The following PCSK5 variants were observed in gnomAD, a reference collection of about 807,000 sequenced individuals.
PCSK5 encodes proprotein convertase subtilisin/kexin type 5, also known as prohormone convertase 5.
Under a neutral mutation model 233.2 loss-of-function variants are expected in PCSK5, and 129 were observed. The ratio of observed to expected loss-of-function variants is 0.55; its 90% confidence interval spans 0.48 to 0.64. The LOEUF is 0.64. Ranked by LOEUF, PCSK5 falls within the 30% of genes least tolerant of loss-of-function variation. The pLI is 0.00. For missense variants in PCSK5, 2,076 were observed against 2,430.1 expected, an observed-to-expected ratio of 0.85 and a Z score of 3.06; for synonymous variants, 825 against 879.2, an observed-to-expected ratio of 0.94 and a Z score of 1.09.
At chr9:75,977,287 G>A (rs900731727) in intron 2 of PCSK5, among the ~76,000 whole-genome samples, 2 of 151,900 alleles carry the variant, frequency 1.3e-5, no homozygotes, top group Admixed American at 1.3e-4. Context: ...GTAGGTAAAC[G>A]TGTGCCATCC....
chr9:75,980,762 TC>T lies in PCSK5; in HGVS notation c.298-5369del, dbSNP rs1563952643. Among the ~76,000 whole-genome samples the T allele has an allele frequency of 3.1e-4, 45 of 147,094 alleles. No homozygotes were observed. In the East Asian group the frequency reaches 7.4e-3, roughly 24 times the overall value. ...AAATTCTCTGATTTTTTTTTTTTTCTCACCAGTTAGCTTTGATGTTTTGATC... is the reference window on the plus strand; with the variant it reads ...AAATTCTCTGATTTTTTTTTTTTTCTACCAGTTAGCTTTGATGTTTTGATC... On this transcript the variant is annotated intron_variant, in intron 2 of 37. Coordinates refer to ENST00000674117, the MANE Select transcript of PCSK5 (RefSeq NM_001372043.1).
rs563449928 is a variant in PCSK5, at chr9:76,263,007, A to G, written c.3142+22323A>G. Among the ~76,000 whole-genome samples, 381 of 152,184 alleles carry G rather than the reference A, an allele frequency of 2.5e-3. 3 individuals carry two copies. Among genetic ancestry groups the G allele is most frequent in the African/African-American group, 8.4e-3 (348 of 41,482 alleles). On this transcript the variant is annotated intron_variant, in intron 24 of 37. Transcript: ENST00000674117. The stretch of plus-strand genomic sequence containing the variant: ...CTTCTCAAAAGAAGACATTTATGCC[A>G]CCAAAAAACACATGAAAAAATGCTC...
At chr9:76,317,528 C>G (rs1027385) in intron 30 of PCSK5, among the ~76,000 whole-genome samples, 77,213 of 152,112 alleles carry the variant, frequency 0.51, 21,127 homozygotes, top group African/African-American at 0.7. Flanking sequence ...AAAAATGCTG[C>G]GTAGCAGCGG....
At chr9:76,100,366 A>T (rs1485652591) in intron 8 of PCSK5, among the ~76,000 whole-genome samples, 1 of 152,232 alleles carries the variant, frequency 6.6e-6, no homozygotes, top group Non-Finnish European at 1.5e-5. Flanking sequence ...AAAATATCAC[A>T]TTTTTTGTCC....
intron 34 of PCSK5, among the ~76,000 whole-genome samples, chr9:76,334,849 G>A (rs1414670035): frequency 2.0e-5 from 3 of 152,140 alleles, no homozygotes; most frequent in Non-Finnish European, 4.4e-5. Context: ...AGGCTGAGGC[G>A]GGCAGATCAC....
intron 21 of PCSK5, among the ~76,000 whole-genome samples, 153 bp from the exon 22 acceptor site, chr9:76,233,307 C>T (rs1250475089): frequency 6.6e-6 from 1 of 152,214 alleles, no homozygotes. Flanking sequence ...TAATATTTCA[C>T]ATGTTCTAAG....
chr9:75,947,833 A>G (rs1824645235), intron 2 of PCSK5, among the ~76,000 whole-genome samples: 1 of 152,078 alleles, frequency 6.6e-6, no homozygotes, highest in Non-Finnish European at 1.5e-5. Flanking sequence ...AACCATTCAC[A>G]CATTTGCTTT....
Position 76,328,127 on chromosome 9 carries a change from G to A in PCSK5, c.4458G>A (p.Glu1486=), listed in dbSNP as rs778272933. Residue 1486 remains glutamate, a synonymous_variant, in exon 33 of 38, where the codon GAG becomes GAA. Coordinates refer to ENST00000674117, the MANE Select transcript of PCSK5 (RefSeq NM_001372043.1). ...CCAACGAGAAGTGCTCACCCTCCGA[G>A]TACTGGGATGAGGATGCTCCCGGGT... The part of the protein sequence containing the change: ...CMANEKCSPS[E]YWDEDAPGCK... The A allele has an allele frequency of 1.8e-5, 29 of 1,612,730 alleles. No individual in the cohort carries two copies. Among genetic ancestry groups the A allele is most frequent in the Non-Finnish European group, 2.3e-5 (27 of 1,179,846 alleles).
At chr9:76,052,357 T>C (rs1829661012) in intron 5 of PCSK5, among the ~76,000 whole-genome samples, 1 of 152,154 alleles carries the variant, frequency 6.6e-6, no homozygotes, top group African/African-American at 2.4e-5. Flanking sequence ...AAAGGAGGTT[T>C]AATGGACTCA....
chr9:76,221,102 C>T (rs7853238), intron 20 of PCSK5, among the ~76,000 whole-genome samples: 1,990 of 152,264 alleles, frequency 0.013, 43 homozygotes, highest in African/African-American at 0.046. Flanking sequence ...ACGGGCAAAA[C>T]AAACTGCTTG....
At chr9:76,317,657 G>A (rs749266041) in intron 30 of PCSK5, among the ~76,000 whole-genome samples, 2 of 152,210 alleles carry the variant, frequency 1.3e-5, no homozygotes, top group Non-Finnish European at 2.9e-5. Context: ...CTCCACTAGA[G>A]GTGAAATGGA....
At chr9:75,965,882 A>T (rs966696458) in intron 2 of PCSK5, among the ~76,000 whole-genome samples, 1 of 152,112 alleles carries the variant, frequency 6.6e-6, no homozygotes, top group African/African-American at 2.4e-5. Flanking sequence ...AATATCCTAA[A>T]CTCTGCAACC....
At chr9:76,046,934 G>C (rs190477892) in intron 5 of PCSK5, among the ~76,000 whole-genome samples, 2 of 152,188 alleles carry the variant, frequency 1.3e-5, no homozygotes, top group Admixed American at 1.3e-4. Flanking sequence ...AGGAGTTTCT[G>C]TATGTCCCAA....
rs1052394105 is a variant in PCSK5 at position 76,362,905 on chromosome 9, C to G, written c.*3983C>G. Reference sequence around the variant, plus strand: ...CCTTAAAAGGGACAGGAATTGCTCACTCGGGGAGCTCGGCTCTTGAGACAG... The same window carrying G: ...CCTTAAAAGGGACAGGAATTGCTCAGTCGGGGAGCTCGGCTCTTGAGACAG... On this transcript the variant is annotated 3_prime_UTR_variant, in exon 38 of 38. Coordinates refer to ENST00000674117, the MANE Select transcript of PCSK5 (RefSeq NM_001372043.1). Among the ~76,000 whole-genome samples, 1 of 152,196 alleles carries G rather than the reference C, an allele frequency of 6.6e-6. No individual in the cohort carries two copies. The highest frequency in any genetic ancestry group is 6.5e-5 in the Admixed American group (1 of 15,282).
At chr9:76,034,522 T>G (rs186905757) in intron 5 of PCSK5, among the ~76,000 whole-genome samples, 2,078 of 152,188 alleles carry the variant, frequency 0.014, 15 homozygotes, top group Non-Finnish European at 0.021. Flanking sequence ...TTCCTCCTCC[T>G]CCATTCGTCA....
intron 21 of PCSK5, among the ~76,000 whole-genome samples, chr9:76,232,439 C>G (rs146351151): frequency 3.3e-5 from 5 of 152,252 alleles, no homozygotes; most frequent in African/African-American, 9.6e-5. Context: ...AATCATTTAG[C>G]GAATTCCACA....
chr9:75,994,396 CTTTCTTTTTTTTTTTT>C (rs1826909666), intron 3 of PCSK5, among the ~76,000 whole-genome samples: 18 of 68,318 alleles, frequency 2.6e-4, no homozygotes, highest in African/African-American at 3.2e-4. Flanking sequence ...TTCTTTCTTT[CTTTCTTTTTTTTTTTT>C]TTTTTTTTTT....
chr9:76,145,774 T>A (rs1294459904), intron 10 of PCSK5, among the ~76,000 whole-genome samples: 1 of 152,212 alleles, frequency 6.6e-6, no homozygotes, highest in Non-Finnish European at 1.5e-5. Context: ...TATGATTACA[T>A]CTTTTCCAAA....
At position 76,184,773 on chromosome 9, in the gene PCSK5, AT is replaced by A; in HGVS notation, c.2282+20del. 1 of 1,492,244 alleles carries A rather than the reference AT, an allele frequency of 6.7e-7. No individual in the cohort carries two copies. Among genetic ancestry groups the A allele is most frequent in the Non-Finnish European group, 9.3e-7 (1 of 1,073,964 alleles). The allele number at this position is 1,492,244 out of a possible 1,614,324, so 92.4% of individuals were successfully genotyped here. A position where few individuals can be genotyped will look rare whatever the true frequency, so the allele number is the denominator to read the frequency against. ...ATGGGTTAAGGTAAGAGAGTGAAGG[AT>A]TTTATCAAGTAACACAGCCCAAAGA... On this transcript the variant is annotated intron_variant, in intron 17 of 37. Coordinates refer to ENST00000674117, the MANE Select transcript of PCSK5 (RefSeq NM_001372043.1).
Sources: allele counts gnomAD v4.1 joint callset (sites outside exome capture counted in the v4.1 genomes callset), GRCh38; gene constraint gnomAD v4.1.1; transcripts MANE v1.5; gene names NCBI Gene and HGNC (gene_info 2026-07-23, HGNC 2026-07-21).